Variants in NREP observed in about 807,000 individuals in gnomAD.
NREP encodes neuronal regeneration-related protein.
In NREP, 5 loss-of-function variants were observed where a neutral mutation model predicts 8.6. The ratio of observed to expected loss-of-function variants is 0.58; its 90% CI spans 0.30 to 1.22. The LOEUF (loss-of-function observed/expected upper bound fraction) is 1.22. Ranked by LOEUF, NREP falls within the 50% of genes most tolerant of loss-of-function variation. NREP has a pLI of 0.07. For missense variants in NREP, 86 were observed against 82.5 expected, an observed-to-expected ratio of 1.04 and a Z score of -0.17; for synonymous variants, 27 against 28.0, an observed-to-expected ratio of 0.96 and a Z score of 0.11.
intron 2 of NREP, among the ~76,000 whole-genome samples, chr5:111,912,176 C>T (rs1035930594): frequency 1.3e-5 from 2 of 152,034 alleles, no homozygotes; most frequent in Non-Finnish European, 1.5e-5. Context: ...TGCACACATT[C>T]GTATGGTAAC....
intron 2 of NREP, among the ~76,000 whole-genome samples, chr5:111,970,287 A>C (rs1365582745): frequency 6.6e-6 from 1 of 152,190 alleles, no homozygotes; most frequent in Non-Finnish European, 1.5e-5. Context: ...ATCTGCTTAC[A>C]TACATAGGTC....
At chr5:111,871,611 C>T (rs1753792352) in intron 2 of NREP, among the ~76,000 whole-genome samples, 1 of 152,032 alleles carries the variant, frequency 6.6e-6, no homozygotes, top group African/African-American at 2.4e-5. Flanking sequence ...AACACAAACA[C>T]ATTTTACAGT....
At chr5:111,779,046 T>C (rs376516395) in intron 2 of NREP, among the ~76,000 whole-genome samples, 1 of 150,906 alleles carries the variant, frequency 6.6e-6, no homozygotes, top group Admixed American at 6.6e-5. Context: ...CTACTTAACA[T>C]ATATACCCAA....
intron 2 of NREP, among the ~76,000 whole-genome samples, chr5:111,789,770 A>C (rs168871): frequency 0.1 from 15,715 of 152,188 alleles, 991 homozygotes; most frequent in East Asian, 0.26. Flanking sequence ...ATCTTTTGGC[A>C]AGAAATAGTC....
At chr5:111,940,394 C>T (rs1158152872) in intron 2 of NREP, among the ~76,000 whole-genome samples, 1 of 152,070 alleles carries the variant, frequency 6.6e-6, no homozygotes, top group Admixed American at 6.6e-5. Flanking sequence ...GTTGCCTTCT[C>T]TCTGCTACTC....
chr5:111,860,758 A>G (rs1467380498), intron 2 of NREP, among the ~76,000 whole-genome samples: 3 of 152,210 alleles, frequency 2.0e-5, no homozygotes, highest in Admixed American at 1.3e-4. Flanking sequence ...GAAGGGATGG[A>G]TAATTCATAT....
At chr5:111,734,269 G>A (rs1748891981) in intron 3 of NREP, 2 of 154,930 alleles carry the variant, frequency 1.3e-5, no homozygotes, top group South Asian at 4.0e-4. Context: ...AGAGAATTAT[G>A]CCCTGATCTG....
chr5:111,916,658 G>A (rs1418228782), intron 2 of NREP, among the ~76,000 whole-genome samples: 1 of 152,130 alleles, frequency 6.6e-6, no homozygotes, highest in East Asian at 1.9e-4. Flanking sequence ...TCATAAAAAT[G>A]TTACTTTCTC....
chr5:111,860,198 T>C lies in NREP; in HGVS notation c.135+115076A>G, dbSNP rs372915272. Among the ~76,000 whole-genome samples the C allele has an allele frequency of 5.9e-5, 9 of 152,134 alleles. No homozygotes were observed. In the East Asian group the frequency reaches 1.2e-3, roughly 20 times the overall value. On this transcript the variant is annotated intron_variant, in intron 2 of 3. Coordinates refer to the NREP transcript ENST00000395634. ...AGTGTGAGTATGTGTACTTGGGGAA[T>C]AGGAAACACTTCTTTTGAGTTCTCT...
chr5:111,914,901 A>G (rs1158065668), intron 2 of NREP, among the ~76,000 whole-genome samples: 1 of 152,036 alleles, frequency 6.6e-6, no homozygotes, highest in African/African-American at 2.4e-5. Flanking sequence ...TCAGGAAGAG[A>G]TTTTTCCATT....
intron 2 of NREP, among the ~76,000 whole-genome samples, chr5:111,807,120 C>CA (rs1438903609): frequency 6.6e-5 from 10 of 150,532 alleles, no homozygotes; most frequent in Non-Finnish European, 1.3e-4. Context: ...ATCTTAAAAA[C>CA]AAAAAAACAA....
At chr5:111,905,003 TC>T (rs1754744949) in intron 2 of NREP, among the ~76,000 whole-genome samples, 6 of 152,026 alleles carry the variant, frequency 3.9e-5, no homozygotes, top group African/African-American at 1.4e-4. Flanking sequence ...CCCATATCTC[TC>T]TCTCTCTCTC....
chr5:111,737,008 G>T (rs563356085), intron 2 of NREP, among the ~76,000 whole-genome samples: 1 of 152,154 alleles, frequency 6.6e-6, no homozygotes, highest in African/African-American at 2.4e-5. Context: ...CCCACGTTTG[G>T]GTCTTAAAGA....
At chr5:111,752,208 T>C (rs1750404852) in intron 2 of NREP, among the ~76,000 whole-genome samples, 1 of 152,214 alleles carries the variant, frequency 6.6e-6, no homozygotes, top group Non-Finnish European at 1.5e-5. Flanking sequence ...TAAAATGGAA[T>C]GATACTCGGA....
At chr5:111,904,507 A>G (rs1397187126) in intron 2 of NREP, among the ~76,000 whole-genome samples, 1 of 152,118 alleles carries the variant, frequency 6.6e-6, no homozygotes, top group Non-Finnish European at 1.5e-5. Flanking sequence ...GGAATTATAT[A>G]GTATGTAGGC....
At chr5:111,832,401 T>C (rs1413742461) in intron 2 of NREP, among the ~76,000 whole-genome samples, 1 of 152,026 alleles carries the variant, frequency 6.6e-6, no homozygotes, top group Non-Finnish European at 1.5e-5. Context: ...GGGGGTGGCA[T>C]GAGCCTGTAG....
At chr5:111,767,083 C>T (rs1247922406) in intron 2 of NREP, among the ~76,000 whole-genome samples, 2 of 152,156 alleles carry the variant, frequency 1.3e-5, no homozygotes, top group East Asian at 3.8e-4. Context: ...ATTGGTAACA[C>T]ATAAACACAT....
chr5:111,945,215 T>G (rs934854039), intron 2 of NREP, among the ~76,000 whole-genome samples: 2 of 152,130 alleles, frequency 1.3e-5, no homozygotes, highest in Non-Finnish European at 2.9e-5. Flanking sequence ...TGATAAAGTC[T>G]AATGCTTTTA....
intron 2 of NREP, among the ~76,000 whole-genome samples, chr5:111,915,171 C>T (rs1469300443): frequency 1.3e-5 from 2 of 151,992 alleles, no homozygotes; most frequent in Non-Finnish European, 2.9e-5. Flanking sequence ...ACTGGAAGTG[C>T]CTGAGAGTTT....
Sources: gnomAD v4.1 joint callset for allele counts (sites outside exome capture counted in the v4.1 genomes callset) on GRCh38, gnomAD v4.1.1 for gene constraint, MANE v1.5 for transcripts, NCBI Gene and HGNC (gene_info 2026-07-23, HGNC 2026-07-21) for gene names.